The following RPH3A variants were observed in gnomAD, a reference collection of about 807,000 sequenced individuals.
The protein encoded by RPH3A is rabphilin 3A.
RPH3A carries 48 observed loss-of-function variants against 102.2 expected under a neutral mutation model. That is an observed-to-expected ratio of 0.47 (90% CI 0.37 to 0.60). The LOEUF (loss-of-function observed/expected upper bound fraction) is 0.60, where lower values mean the gene tolerates loss of function less well. Ranked by LOEUF, RPH3A falls within the 20% of genes least tolerant of loss-of-function variation. The pLI is 0.00. For synonymous variants in RPH3A, 310 were observed against 324.3 expected (o/e 0.96, Z 0.47); for missense variants, 781 against 910.1 (o/e 0.86, Z 1.83).
At chr12:112,894,214 A>G (rs1248315057) in intron 19 of RPH3A, 4 of 263,796 alleles carry the variant, frequency 1.5e-5, no homozygotes, top group Admixed American at 5.6e-5. Flanking sequence ...ATGGCCATCA[A>G]TTTGACTTAT....
intron 16 of RPH3A, among the ~76,000 whole-genome samples, chr12:112,884,854 A>AC (rs1376863089): frequency 6.6e-6 from 1 of 152,112 alleles, no homozygotes. Flanking sequence ...ACTGCAGAAG[A>AC]CCCCCACTGT....
intron 2 of RPH3A, among the ~76,000 whole-genome samples, chr12:112,797,763 G>T (rs1397088325): frequency 2.6e-5 from 4 of 151,786 alleles, no homozygotes; most frequent in African/African-American, 9.7e-5. Flanking sequence ...GATGATCATA[G>T]CTCACTGCAG....
chr12:112,618,591 A>G (rs2039698509), intron 1 of RPH3A, among the ~76,000 whole-genome samples: 1 of 152,218 alleles, frequency 6.6e-6, no homozygotes, highest in Non-Finnish European at 1.5e-5. Flanking sequence ...TCCATCTTGT[A>G]ACGTAGAGAC....
intron 1 of RPH3A, among the ~76,000 whole-genome samples, chr12:112,741,959 A>G (rs2040712201): frequency 6.6e-6 from 1 of 152,006 alleles, no homozygotes; most frequent in Non-Finnish European, 1.5e-5. Flanking sequence ...AACCTCTACC[A>G]CCTGTATATA....
chr12:112,859,016 A>G (rs757351705), intron 5 of RPH3A, among the ~76,000 whole-genome samples: 1 of 152,214 alleles, frequency 6.6e-6, no homozygotes, highest in South Asian at 2.1e-4. Context: ...CATAGTAGTG[A>G]GTGTCAGCCA....
intron 1 of RPH3A, among the ~76,000 whole-genome samples, chr12:112,727,124 C>T (rs2040596203): frequency 1.3e-5 from 2 of 152,058 alleles, no homozygotes; most frequent in African/African-American, 2.4e-5. Context: ...AATCAGCGTT[C>T]ACCTATTATC....
intron 1 of RPH3A, among the ~76,000 whole-genome samples, chr12:112,685,255 A>G (rs2040255190): frequency 6.6e-6 from 1 of 152,138 alleles, no homozygotes. Context: ...CCTCTTTTAT[A>G]AGGGCACTAA....
At chr12:112,692,823 A>G (rs965439203) in intron 1 of RPH3A, among the ~76,000 whole-genome samples, 4 of 152,178 alleles carry the variant, frequency 2.6e-5, no homozygotes, top group African/African-American at 9.7e-5. Flanking sequence ...ATCATTAGTC[A>G]TAGCCTTTAG....
chr12:112,841,961 T>A, intron 4 of RPH3A: 2 of 456,078 alleles, frequency 4.4e-6, no homozygotes, highest in South Asian at 3.1e-5. Flanking sequence ...TAGGTTCATG[T>A]TTGTGCAGAT....
chr12:112,785,029 C>T (rs995248894), intron 1 of RPH3A, among the ~76,000 whole-genome samples: 6 of 152,008 alleles, frequency 3.9e-5, no homozygotes, highest in Non-Finnish European at 8.8e-5. Flanking sequence ...TCGAGACCAA[C>T]CTGACCAACA....
chr12:112,631,092 G>A (rs927774642), intron 1 of RPH3A, among the ~76,000 whole-genome samples: 3 of 152,138 alleles, frequency 2.0e-5, no homozygotes, highest in Non-Finnish European at 2.9e-5. Flanking sequence ...TTTTACAGGT[G>A]CACAGTGGGT....
At chr12:112,878,142 G>A (rs2042840366) in intron 13 of RPH3A, among the ~76,000 whole-genome samples, 1 of 152,158 alleles carries the variant, frequency 6.6e-6, no homozygotes, top group Non-Finnish European at 1.5e-5. Context: ...GCGGTCTCAG[G>A]AGAAAGGAGA....
intron 2 of RPH3A, among the ~76,000 whole-genome samples, chr12:112,808,082 C>G (rs1382480554): frequency 6.6e-6 from 1 of 152,122 alleles, no homozygotes; most frequent in Non-Finnish European, 1.5e-5. Context: ...ACCTAATGAT[C>G]TTTGCTCTTA....
At chr12:112,709,143 A>T (rs2040443706) in intron 1 of RPH3A, among the ~76,000 whole-genome samples, 1 of 152,224 alleles carries the variant, frequency 6.6e-6, no homozygotes, top group Admixed American at 6.5e-5. Flanking sequence ...ATTTTTAAAA[A>T]CAGACCTGCT....
At chr12:112,837,442 G>GA (rs1478781636) in intron 4 of RPH3A, among the ~76,000 whole-genome samples, 1 of 151,798 alleles carries the variant, frequency 6.6e-6, no homozygotes, top group Non-Finnish European at 1.5e-5. Context: ...TTTTTTTGGA[G>GA]AAAAATAACA....
At chr12:112,594,039 T>C (rs1173676992) in intron 1 of RPH3A, among the ~76,000 whole-genome samples, 1 of 152,214 alleles carries the variant, frequency 6.6e-6, no homozygotes, top group Non-Finnish European at 1.5e-5. Flanking sequence ...ACCTGGTACA[T>C]AGTAAATGCT....
At chr12:112,714,053 G>T (rs537652402) in intron 1 of RPH3A, among the ~76,000 whole-genome samples, 2 of 152,144 alleles carry the variant, frequency 1.3e-5, no homozygotes, top group East Asian at 1.9e-4. Flanking sequence ...CCTATAGGTG[G>T]TTGGTACATG....
At chr12:112,787,989 G>A (rs750339873), upstream of RPH3A, among the ~76,000 whole-genome samples, 9 of 152,258 alleles carry the variant, frequency 5.9e-5, no homozygotes, top group Non-Finnish European at 5.9e-5. Context: ...CCTCGAGAGA[G>A]TCAGACCCTG....
At chr12:112,759,512 A>T (rs1042654000) in intron 1 of RPH3A, among the ~76,000 whole-genome samples, 1 of 152,152 alleles carries the variant, frequency 6.6e-6, no homozygotes, top group African/African-American at 2.4e-5. Context: ...TTGATGAATG[A>T]GAGGACAGGA....
Sources: gnomAD v4.1 joint callset for allele counts (sites outside exome capture counted in the v4.1 genomes callset) on GRCh38, gnomAD v4.1.1 for gene constraint, MANE v1.5 for transcripts, NCBI Gene and HGNC (gene_info 2026-07-23, HGNC 2026-07-21) for gene names.